SLC25A22: variants seen among roughly 807,000 people sequenced by gnomAD.
SLC25A22 encodes the protein mitochondrial glutamate carrier 1.
A neutral mutation model predicts 33.7 loss-of-function variants in SLC25A22; 23 were observed. The ratio of observed to expected loss-of-function variants is 0.68; its 90% CI spans 0.49 to 0.97. The LOEUF is 0.97. SLC25A22 is among the 50% of genes least tolerant of loss of function. SLC25A22 has a pLI of 0.00. For missense variants in SLC25A22, 390 were observed against 451.1 expected, an observed-to-expected ratio of 0.86 and a Z score of 1.23; for synonymous variants, 245 against 203.8, an observed-to-expected ratio of 1.20 and a Z score of -1.72.
At chr11:794,664 C>G in intron 3 of SLC25A22, 112 bp downstream of exon 3, 1 of 1,533,310 alleles carries the variant, frequency 6.5e-7, no homozygotes, top group South Asian at 1.2e-5. Flanking sequence ...CTAGGCCCGC[C>G]TGCCTCCCGT....
At chr11:797,816 C>G (rs1864917224) in intron 1 of SLC25A22, 1 of 398,576 alleles carries the variant, frequency 2.5e-6, no homozygotes, top group African/African-American at 2.1e-5. Flanking sequence ...GAGGCCGGCT[C>G]AGGCCCCTGC....
At chr11:795,899 G>C (rs2133721139) in intron 1 of SLC25A22, 1 of 153,378 alleles carries the variant, frequency 6.5e-6, no homozygotes, top group East Asian at 1.9e-4. Context: ...GAGGAGGAGA[G>C]GACAGGCCTC....
chr11:794,847 G>A lies in SLC25A22; in HGVS notation c.75C>T (p.Cys25=), dbSNP rs764930724. The change falls in exon 3 of 10, where the codon TGC becomes TGT. Residue 25 remains cysteine (C), a synonymous_variant. Coordinates refer to ENST00000628067, the MANE Select transcript of SLC25A22 (RefSeq NM_001191061.2). The part of the protein sequence containing the change: ...GGIAGLIGVT[C]VFPIDLAKTR... ...TCTTGGCCAGGTCGATGGGAAACAC[G>A]CAGGTGACACCGATCAGCCCGGCGA... 1.4e-5 allele frequency: 22 copies of A among 1,582,706 alleles called. No homozygotes were observed. In the Admixed American group the frequency reaches 2.6e-4, roughly 18 times the overall value.
At chr11:794,554 C>T in intron 3 of SLC25A22, 41 bp from the exon 4 acceptor site, 1 of 1,605,664 alleles carries the variant, frequency 6.2e-7, no homozygotes. Context: ...CCAGCTGGGG[C>T]CAGCCGGAGG....
In SLC25A22 at chr11:791,919, G is replaced by T. The variant is rs1590117027; in HGVS notation, c.968C>A (p.Ala323Asp). 1 of 1,597,076 alleles carries T rather than the reference G, an allele frequency of 6.3e-7. No homozygotes were observed. ...SLLGLLQDPQ[A>D] Reference sequence around the variant, plus strand: ...GGGGTGGAGCGGGTGCTGGGCTCAGGCCTGGGGGTCCTGCAGCAGCCCCAG... The same window carrying T: ...GGGGTGGAGCGGGTGCTGGGCTCAGTCCTGGGGGTCCTGCAGCAGCCCCAG... The change falls in exon 10 of 10, where the codon GCC becomes GAC. Residue 323 changes from alanine to aspartate, a missense_variant. Transcript: ENST00000628067.
chr11:795,334 G>A, intron 1 of SLC25A22, 165 bp from the exon 2 acceptor site: 1 of 494,538 alleles, frequency 2.0e-6, no homozygotes, highest in South Asian at 2.0e-5. Flanking sequence ...CCAGTCCCAT[G>A]CTCACCCCTG....
chr11:794,855 C>T lies in SLC25A22; in HGVS notation c.67G>A (p.Val23Ile), dbSNP rs1225734619. The part of the protein sequence containing the change: ...INGGIAGLIG[V>I]TCVFPIDLAK... ...AGGTCGATGGGAAACACGCAGGTGACACCGATCAGCCCGGCGATGCCGCCA... is the reference window on the plus strand; with the variant it reads ...AGGTCGATGGGAAACACGCAGGTGATACCGATCAGCCCGGCGATGCCGCCA... The change falls in exon 3 of 10, where the codon GTC becomes ATC. Residue 23 changes from valine to isoleucine, a missense_variant. Transcript: ENST00000628067. 3.2e-6 allele frequency: 5 copies of T among 1,577,282 alleles called. No homozygotes were observed. Among genetic ancestry groups the T allele is most frequent in the Non-Finnish European group, 4.3e-6 (5 of 1,162,082 alleles).
At chr11:795,303 G>A in intron 1 of SLC25A22, 134 bp from the exon 2 acceptor site, 1 of 555,224 alleles carries the variant, frequency 1.8e-6, no homozygotes, top group African/African-American at 1.9e-5. Context: ...TGAGGGTGCA[G>A]CAGCGGGAGG....
rs375049082 is a variant in SLC25A22 at position 790,858 on chromosome 11, G to C, written c.*1057C>G. 6.6e-6 allele frequency: 1 copy of C among 152,250 alleles called. No individual in the cohort carries two copies. The highest frequency in any genetic ancestry group is 2.1e-4 in the South Asian group (1 of 4,842). 9.4% of individuals were successfully genotyped at this position (152,250 alleles called of 1,614,324 possible). A position where few individuals can be genotyped will look rare whatever the true frequency, so the allele number is the denominator to read the frequency against. ...TCAGGGGCCTTATGCCCGGAGGCGG[G>C]AAGGATGGGGCTTCTGCAGTGTACC... On this transcript the variant is annotated 3_prime_UTR_variant, in exon 10 of 10. Coordinates refer to ENST00000628067, the MANE Select transcript of SLC25A22 (RefSeq NM_001191061.2).
At chr11:798,055 C>T (rs1864928542) in intron 1 of SLC25A22, 162 bp downstream of exon 1, 1 of 398,348 alleles carries the variant, frequency 2.5e-6, no homozygotes, top group East Asian at 3.6e-5. Context: ...AGAGCAGCCG[C>T]GGATCGGAGC....
At chr11:797,119 T>C (rs1483014820) in intron 1 of SLC25A22, among the ~76,000 whole-genome samples, 2 of 152,078 alleles carry the variant, frequency 1.3e-5, no homozygotes, top group Non-Finnish European at 2.9e-5. Flanking sequence ...ACCTGCATGA[T>C]AGGGGCAATC....
chr11:792,833 C>A (rs757627687), intron 6 of SLC25A22, 37 bp downstream of exon 6: 7 of 1,584,810 alleles, frequency 4.4e-6, no homozygotes, highest in African/African-American at 2.7e-5. Context: ...CCTCTTCCCG[C>A]ACCTCTGCCC....
chr11:792,515 TC>T (rs1160915167), intron 7 of SLC25A22, 37 bp downstream of exon 7: 1 of 1,611,940 alleles, frequency 6.2e-7, no homozygotes. Flanking sequence ...CAGGCCGGCC[TC>T]CCCCTTCCCT....
intron 2 of SLC25A22, 25 bp downstream of exon 2, chr11:794,962 C>A: frequency 6.4e-7 from 1 of 1,561,964 alleles, no homozygotes; most frequent in Non-Finnish European, 8.7e-7. Flanking sequence ...GGGGGTGAGG[C>A]ACGCAGCCAG....
rs530061866 is a variant in SLC25A22, at chr11:792,750, C to T, written c.413-23G>A. On this transcript the variant is annotated intron_variant, in intron 6 of 9. Transcript: ENST00000628067. ...CGGCTGGGGACAAAGAGGCTGCTGT[C>T]TCCTCTTCTGTGCGAACTGGGCAGG... 4.7e-5 allele frequency: 72 copies of T among 1,545,064 alleles called. No individual in the cohort carries two copies. The African/African-American group carries it at 9.2e-4, about 20-fold the overall frequency.
At position 793,534 on chromosome 11, in the gene SLC25A22, C is replaced by T. The variant is rs1864643321; in HGVS notation, c.288G>A (p.Lys96=). The T allele has an allele frequency of 1.2e-6, 2 of 1,613,478 alleles. No homozygotes were observed. The highest frequency in any genetic ancestry group is 1.7e-5 in the Admixed American group (1 of 59,994). Residue 96 remains lysine (K), a synonymous_variant, in exon 5 of 10, where the codon AAG becomes AAA. Coordinates refer to ENST00000628067, the MANE Select transcript of SLC25A22 (RefSeq NM_001191061.2). ...CTGCCAGGCAGAACCCTCACCCGTC[C>T]TTAGAGAGCTGATGTCGGAAGAAGT... ...ANDFFRHQLS[K]DGQKLTLLKE...
At chr11:792,812 C>T in intron 6 of SLC25A22, 58 bp downstream of exon 6, 1 of 1,559,232 alleles carries the variant, frequency 6.4e-7, no homozygotes, top group Non-Finnish European at 8.6e-7. Context: ...CCCACCCTCC[C>T]CTCGCCCTCA....
At chr11:795,379 C>T (rs1480896371) in intron 1 of SLC25A22, 4 of 329,106 alleles carry the variant, frequency 1.2e-5, no homozygotes, top group Non-Finnish European at 2.3e-5. Context: ...CCCCCCTCCC[C>T]ACCGCCAGCG....
intron 6 of SLC25A22, 52 bp from the exon 7 acceptor site, chr11:792,779 C>T: frequency 6.5e-7 from 1 of 1,548,166 alleles, no homozygotes; most frequent in Non-Finnish European, 8.7e-7. Flanking sequence ...GGGCAGGGGA[C>T]ACGCTCTGGC....
Sources: gnomAD v4.1 joint callset for allele counts (sites outside exome capture counted in the v4.1 genomes callset) on GRCh38, gnomAD v4.1.1 for gene constraint, MANE v1.5 for transcripts, NCBI Gene and HGNC (gene_info 2026-07-23, HGNC 2026-07-21) for gene names.